NRXN1: variants seen among roughly 807,000 people sequenced by gnomAD.
NRXN1 encodes the protein neurexin-1.
A neutral mutation model predicts 150.9 loss-of-function variants in NRXN1; 39 were observed. That is an observed-to-expected ratio of 0.26 (90% CI 0.20 to 0.34). The LOEUF (loss-of-function observed/expected upper bound fraction) is 0.34, where lower values mean the gene tolerates loss of function less well. Ranked by LOEUF, NRXN1 falls within the 10% of genes least tolerant of loss-of-function variation. The pLI, the probability that NRXN1 is intolerant of heterozygous loss-of-function variation, is 1.00. For synonymous variants in NRXN1, 924 were observed against 757.0 expected (o/e 1.22, Z -3.62); for missense variants, 1,815 against 1,949.9 (o/e 0.93, Z 1.30).
chr2:50,415,842 CAG>C (rs1558692048), intron 17 of NRXN1, among the ~76,000 whole-genome samples: 2 of 146,984 alleles, frequency 1.4e-5, no homozygotes, highest in Non-Finnish European at 3.0e-5. Context: ...TAAAAAAAAA[CAG>C]AAAAAAATAG....
At chr2:50,502,001 T>C (rs2091972967) in intron 13 of NRXN1, among the ~76,000 whole-genome samples, 1 of 152,188 alleles carries the variant, frequency 6.6e-6, no homozygotes, top group Non-Finnish European at 1.5e-5. Context: ...TGCTGTAAAA[T>C]TTAATAAGAA....
At chr2:50,183,211 C>T (rs547536625) in intron 18 of NRXN1, among the ~76,000 whole-genome samples, 2 of 152,040 alleles carry the variant, frequency 1.3e-5, no homozygotes, top group Non-Finnish European at 2.9e-5. Flanking sequence ...TAGGACAACA[C>T]TGAATATTTG....
intron 17 of NRXN1, among the ~76,000 whole-genome samples, chr2:50,264,190 T>C (rs2068604743): frequency 6.6e-6 from 1 of 152,082 alleles, no homozygotes; most frequent in Non-Finnish European, 1.5e-5. Flanking sequence ...AGATGTGTAT[T>C]TATATATTTT....
At chr2:50,178,903 G>C (rs1158924777) in intron 18 of NRXN1, among the ~76,000 whole-genome samples, 1 of 152,126 alleles carries the variant, frequency 6.6e-6, no homozygotes, top group Non-Finnish European at 1.5e-5. Flanking sequence ...GGGAATCCAA[G>C]AACAAAGCCA....
intron 17 of NRXN1, among the ~76,000 whole-genome samples, chr2:50,394,013 AC>A (rs1239168689): frequency 6.6e-6 from 1 of 151,990 alleles, no homozygotes; most frequent in Non-Finnish European, 1.5e-5. Context: ...TTTTTGAAAC[AC>A]TTTATTTTTT....
intron 5 of NRXN1, among the ~76,000 whole-genome samples, chr2:50,773,815 T>C (rs1703289945): frequency 1.3e-5 from 2 of 152,120 alleles, no homozygotes; most frequent in Non-Finnish European, 2.9e-5. Flanking sequence ...TGAGTCTCCA[T>C]GGCCCTGAGC....
intron 17 of NRXN1, among the ~76,000 whole-genome samples, chr2:50,456,583 G>T (rs1266777174): frequency 6.6e-6 from 1 of 151,976 alleles, no homozygotes; most frequent in Non-Finnish European, 1.5e-5. Context: ...GGCAAGGTGC[G>T]TTTCCTTCAC....
intron 18 of NRXN1, among the ~76,000 whole-genome samples, chr2:50,168,931 ACT>A (rs1408858414): frequency 6.6e-6 from 1 of 152,102 alleles, no homozygotes; most frequent in East Asian, 1.9e-4. Flanking sequence ...TCGTTCAAAA[ACT>A]CTAAGGCATT....
At chr2:50,537,535 AG>A (rs1429920713) in intron 10 of NRXN1, among the ~76,000 whole-genome samples, 8 of 152,162 alleles carry the variant, frequency 5.3e-5, no homozygotes, top group Non-Finnish European at 2.9e-5. Flanking sequence ...GTGAAAAAAA[AG>A]AAAAATAAAA....
chr2:50,746,396 A>G (rs111863794), intron 5 of NRXN1, among the ~76,000 whole-genome samples: 4,134 of 151,970 alleles, frequency 0.027, 83 homozygotes, highest in Non-Finnish European at 0.039. Flanking sequence ...CATATCTACA[A>G]AAAATTTTAA....
rs546783640 is a variant in NRXN1 at position 50,365,067 on chromosome 2, A to G, written c.3364+100375T>C. On this transcript the variant is annotated intron_variant, in intron 17 of 22. Transcript: ENST00000401669. Reference sequence around the variant, plus strand: ...AATTAAACTGCTACACAAGCAAAAGATAATTAGCTTAACAGGGAAGAATTT... The same window carrying G: ...AATTAAACTGCTACACAAGCAAAAGGTAATTAGCTTAACAGGGAAGAATTT... 4.8e-4 allele frequency among the ~76,000 whole-genome samples: 73 copies of G among 152,244 alleles called. 1 individual carries two copies. The South Asian group carries it at 0.014, about 30-fold the overall frequency.
At chr2:50,917,417 T>C (rs1318838977) in intron 5 of NRXN1, 1 of 151,744 alleles carries the variant, frequency 6.6e-6, no homozygotes, top group Non-Finnish European at 1.5e-5. Context: ...AGTTGTGCAC[T>C]TCACAGACAA....
At chr2:50,389,446 T>C (rs1312764169) in intron 17 of NRXN1, among the ~76,000 whole-genome samples, 1 of 151,734 alleles carries the variant, frequency 6.6e-6, no homozygotes, top group Non-Finnish European at 1.5e-5. Flanking sequence ...ATTTATTGGT[T>C]AATAATAATA....
intron 18 of NRXN1, among the ~76,000 whole-genome samples, chr2:50,236,228 T>C (rs903511235): frequency 6.6e-6 from 1 of 152,074 alleles, no homozygotes; most frequent in African/African-American, 2.4e-5. Flanking sequence ...TAATTATGAA[T>C]TAAAATGTAT....
chr2:50,886,006 T>C (rs371891446), intron 5 of NRXN1, among the ~76,000 whole-genome samples: 2 of 151,418 alleles, frequency 1.3e-5, no homozygotes, highest in South Asian at 2.1e-4. Flanking sequence ...AAGAACTCTG[T>C]AATTTGGTTT....
chr2:50,423,987 A>G (rs1312831061), intron 17 of NRXN1, among the ~76,000 whole-genome samples: 2 of 152,014 alleles, frequency 1.3e-5, no homozygotes, highest in Non-Finnish European at 1.5e-5. Context: ...GAGAAAGAAC[A>G]GCATACAGAT....
chr2:50,576,340 A>AT (rs891542019), intron 8 of NRXN1, among the ~76,000 whole-genome samples: 27 of 151,948 alleles, frequency 1.8e-4, no homozygotes, highest in East Asian at 1.4e-3. Context: ...TCAGTAATAG[A>AT]TTTTTTTTGG....
chr2:50,555,390 G>C (rs942129951), intron 8 of NRXN1, among the ~76,000 whole-genome samples: 3 of 152,212 alleles, frequency 2.0e-5, no homozygotes, highest in Non-Finnish European at 2.9e-5. Flanking sequence ...ATTTCAATGA[G>C]ACATAATCTT....
intron 21 of NRXN1, among the ~76,000 whole-genome samples, chr2:50,026,339 G>A (rs1005626427): frequency 6.6e-6 from 1 of 152,162 alleles, no homozygotes; most frequent in African/African-American, 2.4e-5. Context: ...AATGTCAGGA[G>A]GTTTGCTACA....
Sources: allele counts gnomAD v4.1 joint callset (sites outside exome capture counted in the v4.1 genomes callset), GRCh38; gene constraint gnomAD v4.1.1; transcripts MANE v1.5; gene names NCBI Gene and HGNC (gene_info 2026-07-23, HGNC 2026-07-21).